Variants in DNAJC11 observed in about 807,000 individuals in gnomAD.
The protein encoded by DNAJC11 is DnaJ heat shock protein family (Hsp40) member C11, also known as dnaJ homolog subfamily C member 11.
DNAJC11 carries 15 observed loss-of-function variants against 78.6 expected under a neutral mutation model. The observed-to-expected ratio is 0.19, with a 90% CI of 0.13 to 0.29. The LOEUF is 0.29. Among genes scored for constraint, DNAJC11 ranks in the 10% least tolerant of loss-of-function variants. The probability of loss-of-function intolerance (pLI) is 1.00; values close to 1 mark genes in which losing one functional copy is unlikely to be tolerated. For synonymous variants in DNAJC11, 292 were observed against 272.1 expected, an observed-to-expected ratio of 1.07 and a Z score of -0.72; for missense variants, 547 against 709.6, an observed-to-expected ratio of 0.77 and a Z score of 2.60.
chr1:6,634,589 TC>T lies in DNAJC11; in HGVS notation c.*1085del, dbSNP rs1208701950. 11 of 1,365,980 alleles carry T rather than the reference TC, an allele frequency of 8.1e-6. No individual in the cohort carries two copies. The highest frequency in any genetic ancestry group is 1.9e-5 in the Admixed American group (1 of 52,494). 84.6% of individuals were successfully genotyped at this position (1,365,980 alleles called of 1,614,324 possible). ...GCAAGAGCAACTGATGGCTGCCACT[TC>T]CAGGCCCCGAGAGACAGGCCTCACG... On this transcript the variant is annotated 3_prime_UTR_variant, in exon 16 of 16. Transcript: ENST00000377577.
chr1:6,674,278 G>C (rs773715077), intron 3 of DNAJC11, among the ~76,000 whole-genome samples: 3 of 151,908 alleles, frequency 2.0e-5, no homozygotes, highest in Non-Finnish European at 4.4e-5. Context: ...AAAAGTGGGG[G>C]GGCTGGGCAC....
chr1:6,642,419 T>A (rs939971112), intron 10 of DNAJC11, among the ~76,000 whole-genome samples: 12 of 152,064 alleles, frequency 7.9e-5, no homozygotes, highest in African/African-American at 2.9e-4. Context: ...GGATACAATT[T>A]TGGAGTACAT....
intron 7 of DNAJC11, among the ~76,000 whole-genome samples, chr1:6,647,244 G>A (rs1641980441): frequency 6.6e-6 from 1 of 151,808 alleles, no homozygotes; most frequent in African/African-American, 2.4e-5. Context: ...ACCATGTCCG[G>A]TTAATATTTT....
Position 6,635,654 on chromosome 1 carries a change from A to C in DNAJC11, c.*21T>G, listed in dbSNP as rs1488241947. The C allele has an allele frequency of 1.9e-6, 3 of 1,613,192 alleles. No homozygotes were observed. In the Admixed American group the frequency reaches 5.0e-5, roughly 27 times the overall value. On this transcript the variant is annotated 3_prime_UTR_variant, in exon 16 of 16. Transcript: ENST00000377577. Reference sequence around the variant, plus strand: ...AGGAAAAGATTTTTTGCGGCCTTTTAAAAATCTGGTTCTTGGCAGTTTATC... The same window carrying C: ...AGGAAAAGATTTTTTGCGGCCTTTTCAAAATCTGGTTCTTGGCAGTTTATC...
At chr1:6,674,364 C>T (rs1439806264) in intron 3 of DNAJC11, among the ~76,000 whole-genome samples, 1 of 152,010 alleles carries the variant, frequency 6.6e-6, no homozygotes, top group East Asian at 1.9e-4. Flanking sequence ...AGTTCGAGAC[C>T]AGCTTGGCCA....
intron 7 of DNAJC11, among the ~76,000 whole-genome samples, chr1:6,646,408 T>G (rs1391524514): frequency 2.6e-5 from 4 of 152,198 alleles, no homozygotes; most frequent in African/African-American, 9.7e-5. Flanking sequence ...GCTGGTGGCT[T>G]CTTCGCCGGC....
At chr1:6,643,890 A>T (rs969135731) in intron 10 of DNAJC11, among the ~76,000 whole-genome samples, 3 of 151,336 alleles carry the variant, frequency 2.0e-5, no homozygotes, top group Non-Finnish European at 3.0e-5. Flanking sequence ...TTTTTTTTTG[A>T]GATGGAGTCT....
intron 4 of DNAJC11, among the ~76,000 whole-genome samples, chr1:6,662,645 C>T (rs1401312404): frequency 6.6e-6 from 1 of 152,080 alleles, no homozygotes; most frequent in East Asian, 1.9e-4. Context: ...CTGTGGCTAG[C>T]TAGAGGATTG....
At chr1:6,638,698 A>G (rs960438092) in intron 11 of DNAJC11, among the ~76,000 whole-genome samples, 7 of 152,144 alleles carry the variant, frequency 4.6e-5, no homozygotes, top group Non-Finnish European at 8.8e-5. Context: ...TTTTAATTTT[A>G]ATTTTAAGAT....
chr1:6,662,386 G>A (rs893895406), intron 4 of DNAJC11, among the ~76,000 whole-genome samples: 9 of 152,048 alleles, frequency 5.9e-5, no homozygotes, highest in Admixed American at 5.2e-4. Context: ...TAGAGATGGG[G>A]TTTCACCATG....
chr1:6,685,456 TG>T (rs1468063002), intron 1 of DNAJC11, among the ~76,000 whole-genome samples: 3 of 152,230 alleles, frequency 2.0e-5, no homozygotes. Context: ...AGATGGATCC[TG>T]ACATACCTAA....
chr1:6,651,301 G>T, intron 7 of DNAJC11: 1 of 658,988 alleles, frequency 1.5e-6, no homozygotes, highest in South Asian at 1.6e-5. Flanking sequence ...GACCTGGATG[G>T]TGCAGCCTGG....
chr1:6,690,328 C>A (rs1438422664), intron 1 of DNAJC11, among the ~76,000 whole-genome samples: 2 of 152,206 alleles, frequency 1.3e-5, no homozygotes, highest in Non-Finnish European at 2.9e-5. Context: ...AGTCGCATAT[C>A]CACTGCTATG....
intron 10 of DNAJC11, among the ~76,000 whole-genome samples, chr1:6,641,720 C>A: frequency 6.6e-6 from 1 of 152,096 alleles, no homozygotes; most frequent in South Asian, 2.1e-4. Flanking sequence ...CTGACGCCAG[C>A]TCTAATCTAG....
At chr1:6,671,426 C>T (rs1030037926) in intron 3 of DNAJC11, among the ~76,000 whole-genome samples, 9 of 141,048 alleles carry the variant, frequency 6.4e-5, no homozygotes, top group South Asian at 2.3e-4. Context: ...TTAGTAGAGA[C>T]GGGGTTTCAC....
At chr1:6,648,400 C>A (rs1642000104) in intron 7 of DNAJC11, among the ~76,000 whole-genome samples, 1 of 152,208 alleles carries the variant, frequency 6.6e-6, no homozygotes, top group African/African-American at 2.4e-5. Context: ...AGGCGACCCG[C>A]CTGCCTTGGC....
chr1:6,651,836 G>A (rs1179375460), intron 6 of DNAJC11, among the ~76,000 whole-genome samples: 1 of 152,164 alleles, frequency 6.6e-6, no homozygotes, highest in South Asian at 2.1e-4. Context: ...ATGTTTCATT[G>A]GTGTCCCTCC....
intron 10 of DNAJC11, among the ~76,000 whole-genome samples, chr1:6,640,260 CAGA>C (rs1359449018): frequency 6.6e-6 from 1 of 152,076 alleles, no homozygotes; most frequent in Non-Finnish European, 1.5e-5. Flanking sequence ...GACACTGTGA[CAGA>C]AGAAAGATCC....
chr1:6,640,069 T>TAG lies in DNAJC11; in HGVS notation c.1098-13_1098-12insCT. On this transcript the variant is annotated splice_polypyrimidine_tract_variant and intron_variant, in intron 10 of 15. Transcript: ENST00000377577. ...TGGCCCTGTTGAGCCTGGGGAAAAATACAAAAAAAAAAAAAAAAAAGCCAA... is the reference window on the plus strand; with the variant it reads ...TGGCCCTGTTGAGCCTGGGGAAAAATAGACAAAAAAAAAAAAAAAAAAGCCAA... 1.2e-6 allele frequency: 1 copy of TAG among 862,752 alleles called. No individual in the cohort carries two copies. The highest frequency in any genetic ancestry group is 4.8e-5 in the East Asian group (1 of 20,738). The allele number at this position is 862,752 out of a possible 1,614,324, so 53.4% of individuals were successfully genotyped here. A position where few individuals can be genotyped will look rare whatever the true frequency, so the allele number is the denominator to read the frequency against.
Sources: allele counts gnomAD v4.1 joint callset (sites outside exome capture counted in the v4.1 genomes callset), GRCh38; gene constraint gnomAD v4.1.1; transcripts MANE v1.5; gene names NCBI Gene and HGNC (gene_info 2026-07-23, HGNC 2026-07-21).